KCNU1: variants seen among roughly 807,000 people sequenced by gnomAD.
The protein encoded by KCNU1 is potassium channel subfamily U member 1.
KCNU1 carries 93 observed loss-of-function variants against 126.8 expected under a neutral mutation model. The ratio of observed to expected loss-of-function variants is 0.73; its 90% CI spans 0.62 to 0.87. The LOEUF is 0.87. Ranked by LOEUF, KCNU1 falls within the 40% of genes least tolerant of loss-of-function variation. The pLI is 0.00. For synonymous variants in KCNU1, 523 were observed against 494.2 expected, an observed-to-expected ratio of 1.06 and a Z score of -0.77; for missense variants, 1,330 against 1,367.1, an observed-to-expected ratio of 0.97 and a Z score of 0.43.
At chr8:36,835,498 C>A (rs1182956242) in intron 12 of KCNU1, among the ~76,000 whole-genome samples, 1 of 151,936 alleles carries the variant, frequency 6.6e-6, no homozygotes, top group East Asian at 1.9e-4. Flanking sequence ...TGTGCCACCA[C>A]GCCAGACTAA....
chr8:36,824,049 C>T (rs1804227843), intron 10 of KCNU1, among the ~76,000 whole-genome samples: 1 of 152,168 alleles, frequency 6.6e-6, no homozygotes, highest in Non-Finnish European at 1.5e-5. Context: ...GTTGGCCGGG[C>T]TGGTCTTGAA....
chr8:36,927,899 G>A (rs917321549), intron 24 of KCNU1, among the ~76,000 whole-genome samples: 3 of 151,242 alleles, frequency 2.0e-5, no homozygotes, highest in African/African-American at 7.3e-5. Flanking sequence ...CAAGAGGGAT[G>A]GAGAGAGAGA....
intron 19 of KCNU1, among the ~76,000 whole-genome samples, chr8:36,866,114 C>CTTA (rs147730581): frequency 0.016 from 2,412 of 152,140 alleles, 68 homozygotes; most frequent in African/African-American, 0.054. Flanking sequence ...TTAAATGCTG[C>CTTA]TTATTATTGC....
chr8:36,811,314 A>AT (rs1313052863), intron 7 of KCNU1, among the ~76,000 whole-genome samples: 2 of 152,110 alleles, frequency 1.3e-5, no homozygotes, highest in Non-Finnish European at 2.9e-5. Flanking sequence ...AAAATTATTA[A>AT]TTCTAATCAT....
In KCNU1 at chr8:36,885,014, C is replaced by T. The variant is rs181060070; in HGVS notation, c.2009+20493C>T. Among the ~76,000 whole-genome samples, 70 of 152,290 alleles carry T rather than the reference C, an allele frequency of 4.6e-4. 2 individuals carry two copies. Among genetic ancestry groups the T allele is most frequent in the Admixed American group, 4.4e-3 (67 of 15,288 alleles). ...GGCAAAATCCAGAAATGTGGAGAAT[C>T]GCAGCTGAGATCTGCTCACTGGGGG... On this transcript the variant is annotated intron_variant, in intron 19 of 26. Transcript: ENST00000399881.
intron 18 of KCNU1, among the ~76,000 whole-genome samples, chr8:36,857,004 C>T (rs1341882243): frequency 3.9e-5 from 6 of 152,232 alleles, no homozygotes; most frequent in Non-Finnish European, 8.8e-5. Context: ...AGCTTCAGAG[C>T]TCTTTGTTCT....
chr8:36,798,393 T>A (rs1803183724), intron 2 of KCNU1, among the ~76,000 whole-genome samples: 1 of 152,224 alleles, frequency 6.6e-6, no homozygotes, highest in Non-Finnish European at 1.5e-5. Flanking sequence ...AAAACATGTT[T>A]ATTTGCCATA....
intron 19 of KCNU1, among the ~76,000 whole-genome samples, chr8:36,866,639 G>A (rs1187417450): frequency 6.6e-6 from 1 of 152,114 alleles, no homozygotes; most frequent in African/African-American, 2.4e-5. Flanking sequence ...TTGGTAAATA[G>A]GCATTTATTG....
intron 19 of KCNU1, among the ~76,000 whole-genome samples, chr8:36,897,664 C>T (rs971892470): frequency 1.3e-5 from 2 of 152,014 alleles, no homozygotes; most frequent in African/African-American, 4.8e-5. Context: ...AGCATGAGTG[C>T]CCCTGCCTTA....
intron 19 of KCNU1, among the ~76,000 whole-genome samples, chr8:36,865,575 G>A (rs1476147802): frequency 3.3e-5 from 5 of 150,024 alleles, no homozygotes; most frequent in Non-Finnish European, 7.4e-5. Flanking sequence ...AGACCAGCCT[G>A]GGGCAATATA....
chr8:36,788,368 A>T (rs916316185), intron 2 of KCNU1, among the ~76,000 whole-genome samples: 16 of 152,160 alleles, frequency 1.1e-4, no homozygotes, highest in Admixed American at 9.8e-4. Context: ...TTTATTTCCC[A>T]TTGTCAGGAA....
At chr8:36,888,078 G>A (rs1806789808) in intron 19 of KCNU1, among the ~76,000 whole-genome samples, 1 of 152,028 alleles carries the variant, frequency 6.6e-6, no homozygotes, top group Non-Finnish European at 1.5e-5. Context: ...GGGAAAGGGG[G>A]ATTTAGAATT....
intron 22 of KCNU1, among the ~76,000 whole-genome samples, chr8:36,913,527 G>A (rs1329593715): frequency 1.3e-5 from 2 of 152,010 alleles, no homozygotes; most frequent in Admixed American, 6.6e-5. Context: ...TATAGATGCA[G>A]ATAGGCTCTA....
At chr8:36,921,119 T>C (rs1489613469) in intron 23 of KCNU1, among the ~76,000 whole-genome samples, 1 of 152,170 alleles carries the variant, frequency 6.6e-6, no homozygotes, top group African/African-American at 2.4e-5. Flanking sequence ...ATAAGACTCC[T>C]GGATCAGAGA....
chr8:36,833,697 T>TA (rs1295642217), intron 11 of KCNU1, 38 bp downstream of exon 11: 1 of 1,200,212 alleles, frequency 8.3e-7, no homozygotes, highest in Non-Finnish European at 1.2e-6. Context: ...TAGTTTTCCT[T>TA]AGTTGCAACA....
intron 24 of KCNU1, among the ~76,000 whole-genome samples, chr8:36,930,258 A>G (rs1563342824): frequency 1.3e-5 from 2 of 152,120 alleles, no homozygotes; most frequent in Non-Finnish European, 2.9e-5. Flanking sequence ...TCCTGGAGAA[A>G]GAGACTTTAT....
intron 19 of KCNU1, among the ~76,000 whole-genome samples, chr8:36,903,104 T>C (rs1468431765): frequency 6.6e-6 from 1 of 152,168 alleles, no homozygotes; most frequent in Admixed American, 6.5e-5. Context: ...AACCTGTTTC[T>C]AGTATCCCGT....
chr8:36,787,426 G>T lies in KCNU1; in HGVS notation c.315+1G>T. 6.2e-7 allele frequency: 1 copy of T among 1,605,494 alleles called. No homozygotes were observed. The highest frequency in any genetic ancestry group is 8.5e-7 in the Non-Finnish European group (1 of 1,175,500). ...CCAGACCTTTGTGGGGCAAGTGTTG[G>T]TAAGTACATTTTCAGTGTTAGCTTG... On this transcript the variant is annotated splice_donor_variant, in intron 2 of 26. Coordinates refer to ENST00000399881, the MANE Select transcript of KCNU1 (RefSeq NM_001031836.3). LOFTEE classifies it high-confidence loss of function.
intron 22 of KCNU1, among the ~76,000 whole-genome samples, chr8:36,918,536 T>C (rs976834963): frequency 6.6e-6 from 1 of 150,686 alleles, no homozygotes; most frequent in African/African-American, 2.4e-5. Flanking sequence ...ATCTCGGTGA[T>C]GGAGCAAGAC....
Sources: allele counts gnomAD v4.1 joint callset (sites outside exome capture counted in the v4.1 genomes callset), GRCh38; gene constraint gnomAD v4.1.1; transcripts MANE v1.5; gene names NCBI Gene and HGNC (gene_info 2026-07-23, HGNC 2026-07-21).